The following DCDC2C variants were observed in gnomAD, a reference collection of about 807,000 sequenced individuals.
DCDC2C encodes the protein doublecortin domain-containing protein 2C.
Under a neutral mutation model 45.0 loss-of-function variants are expected in DCDC2C, and 44 were observed. That is an observed-to-expected ratio of 0.98 (90% CI 0.77 to 1.26). The LOEUF (loss-of-function observed/expected upper bound fraction) is 1.26. Ranked by LOEUF, DCDC2C falls within the 50% of genes most tolerant of loss-of-function variation. The pLI is 0.00. For synonymous variants in DCDC2C, 187 were observed against 178.8 expected (o/e 1.05, Z -0.37); for missense variants, 447 against 468.9 (o/e 0.95, Z 0.43).
chr2:3,823,315 C>T lies in DCDC2C; in HGVS notation c.1066-23839C>T, dbSNP rs113386876. 9.1e-3 allele frequency among the ~76,000 whole-genome samples: 1,381 copies of T among 151,978 alleles called. 17 individuals are homozygous for T. Among genetic ancestry groups the T allele is most frequent in the African/African-American group, 0.032 (1,316 of 41,436 alleles). On this transcript the variant is annotated intron_variant, in intron 10 of 10. Transcript: ENST00000399143. ...ATTTCCTTCTATTATTGATTTCTAA[C>T]GTCATTCCGTTGTGTTCAGAGAACA...
intron 2 of DCDC2C, among the ~76,000 whole-genome samples, chr2:3,713,341 G>A (rs376240481): frequency 3.7e-4 from 57 of 152,308 alleles, no homozygotes; most frequent in African/African-American, 1.1e-3. Context: ...CAGGGAAAAC[G>A]CGGGGAGCCA....
chr2:3,843,112 T>C (rs555615143), intron 10 of DCDC2C, among the ~76,000 whole-genome samples: 1 of 152,178 alleles, frequency 6.6e-6, no homozygotes, highest in African/African-American at 2.4e-5. Flanking sequence ...GTGGCTGTGA[T>C]AGCAGGGGGA....
chr2:3,780,561 G>A lies in DCDC2C; in HGVS notation c.1023+1677G>A, dbSNP rs540338242. Among the ~76,000 whole-genome samples the A allele has an allele frequency of 6.6e-5, 10 of 152,222 alleles. No individual in the cohort carries two copies. The South Asian group carries it at 1.9e-3, about 28-fold the overall frequency. ...CCAAGCACCTAGTCCTCAGGTATCCGGGCCAAGGATCTAAAAGGTGATAGG... is the reference window on the plus strand; with the variant it reads ...CCAAGCACCTAGTCCTCAGGTATCCAGGCCAAGGATCTAAAAGGTGATAGG... On this transcript the variant is annotated intron_variant, in intron 9 of 10. Transcript: ENST00000399143.
At chr2:3,719,027 G>T (rs1668422512) in intron 2 of DCDC2C, among the ~76,000 whole-genome samples, 1 of 151,962 alleles carries the variant, frequency 6.6e-6, no homozygotes, top group African/African-American at 2.4e-5. Context: ...AGGAAGTCCA[G>T]CTGGCTTCAC....
At chr2:3,778,706 C>G in intron 8 of DCDC2C, 110 bp from the exon 9 acceptor site, 1 of 977,560 alleles carries the variant, frequency 1.0e-6, no homozygotes, top group Non-Finnish European at 1.5e-6. Flanking sequence ...ACTTCCCCAG[C>G]TCTACCCATA....
chr2:3,799,191 A>G (rs1572627035), intron 10 of DCDC2C, among the ~76,000 whole-genome samples: 2 of 151,988 alleles, frequency 1.3e-5, no homozygotes, highest in Admixed American at 6.5e-5. Flanking sequence ...CATTCTTCAC[A>G]TAGTTCTCGA....
chr2:3,743,037 C>A (rs1254508143), intron 4 of DCDC2C, among the ~76,000 whole-genome samples: 4 of 152,044 alleles, frequency 2.6e-5, no homozygotes, highest in African/African-American at 9.7e-5. Context: ...TATGCACAGG[C>A]TGAAATGGAA....
At chr2:3,780,916 C>G (rs535537032) in intron 9 of DCDC2C, among the ~76,000 whole-genome samples, 24 of 152,308 alleles carry the variant, frequency 1.6e-4, no homozygotes, top group African/African-American at 5.5e-4. Context: ...ATATAACTTT[C>G]CGGAAGAGGT....
At chr2:3,847,116 A>G (rs1484339360) in intron 10 of DCDC2C, 38 bp from the exon 11 acceptor site, 2 of 1,227,222 alleles carry the variant, frequency 1.6e-6, no homozygotes, top group Non-Finnish European at 2.0e-6. Flanking sequence ...CACAGCTTGA[A>G]GATGTTCTCT....
In DCDC2C at chr2:3,741,995, C is replaced by G; in HGVS notation, c.492C>G (p.Asp164Glu). The G allele has an allele frequency of 6.5e-7, 1 of 1,548,802 alleles. No homozygotes were observed. The highest frequency in any genetic ancestry group is 8.7e-7 in the Non-Finnish European group (1 of 1,146,346). Residue 164 changes from aspartate to glutamate, a missense_variant, in exon 4 of 11, where the codon GAC (aspartate) becomes GAG (glutamate). Asp to Glu is a conservative substitution (Grantham distance 45). Coordinates refer to ENST00000399143, the MANE Select transcript of DCDC2C (RefSeq NM_001287444.2). ...IIPKFSLSDWDIVLATIGEKV... is the reference protein window; with the variant it reads ...IIPKFSLSDWEIVLATIGEKV... ...CCAAATTTAGTCTGTCCGATTGGGA[C>G]ATCGTGCTGGCCACGATCGGAGAAA...
chr2:3,789,880 A>C lies in DCDC2C; in HGVS notation c.1065+4780A>C, dbSNP rs1203473635. Among the ~76,000 whole-genome samples, 3 of 152,266 alleles carry C rather than the reference A, an allele frequency of 2.0e-5. No homozygotes were observed. The East Asian group carries it at 5.8e-4, about 29-fold the overall frequency. On this transcript the variant is annotated intron_variant, in intron 10 of 10. Transcript: ENST00000399143. ...GAATCATAATGACAAGAACATAAGA[A>C]AATAGAACATAGTGGGTAACTTCAT...
At chr2:3,763,454 C>T (rs146177063) in intron 6 of DCDC2C, among the ~76,000 whole-genome samples, 17 of 152,316 alleles carry the variant, frequency 1.1e-4, no homozygotes, top group Admixed American at 6.5e-4. Flanking sequence ...TTAATTAGCA[C>T]GGTAACTGAA....
intron 6 of DCDC2C, among the ~76,000 whole-genome samples, chr2:3,759,208 C>T (rs900159809): frequency 6.6e-6 from 1 of 152,134 alleles, no homozygotes; most frequent in African/African-American, 2.4e-5. Flanking sequence ...AAAAGTGTCT[C>T]AGAAGAGTCA....
intron 4 of DCDC2C, among the ~76,000 whole-genome samples, 175 bp downstream of exon 4, chr2:3,742,223 T>C (rs34499883): frequency 0.018 from 2,705 of 152,364 alleles, 77 homozygotes; most frequent in African/African-American, 0.062. Flanking sequence ...TACTTTTAAC[T>C]GGCCTCATTC....
chr2:3,708,080 G>T (rs1261973139), intron 1 of DCDC2C, among the ~76,000 whole-genome samples: 3 of 152,138 alleles, frequency 2.0e-5, no homozygotes, highest in African/African-American at 7.2e-5. Flanking sequence ...TTTCCAGTTT[G>T]CAGTTTTGGC....
intron 6 of DCDC2C, among the ~76,000 whole-genome samples, chr2:3,758,629 G>A (rs564451747): frequency 1.1e-4 from 17 of 152,282 alleles, no homozygotes; most frequent in Non-Finnish European, 1.3e-4. Context: ...AGTGATCTGC[G>A]TGGTATAACA....
chr2:3,764,304 T>C (rs1441780940), intron 6 of DCDC2C, among the ~76,000 whole-genome samples: 1 of 152,244 alleles, frequency 6.6e-6, no homozygotes, highest in African/African-American at 2.4e-5. Flanking sequence ...AGATTACGTT[T>C]TCCCTTTTCC....
chr2:3,714,275 A>T (rs1185327027), intron 2 of DCDC2C, among the ~76,000 whole-genome samples: 1 of 152,202 alleles, frequency 6.6e-6, no homozygotes, highest in Non-Finnish European at 1.5e-5. Flanking sequence ...CACTTCATTA[A>T]ATGGAGGGAC....
rs1398033059 is a variant in DCDC2C at position 3,761,842 on chromosome 2, T to C, written c.727-5912T>C. On this transcript the variant is annotated intron_variant, in intron 6 of 10. Coordinates refer to ENST00000399143, the MANE Select transcript of DCDC2C (RefSeq NM_001287444.2). The surrounding 1 kb of genome is among the most constrained non-coding windows in gnomAD (Gnocchi z 4.3). Reference sequence around the variant, plus strand: ...GAGGCTGCCTTTTGTGTGCCTGAGCTAGACAATCTCTTATAATAGCATTAA... The same window carrying C: ...GAGGCTGCCTTTTGTGTGCCTGAGCCAGACAATCTCTTATAATAGCATTAA... Among the ~76,000 whole-genome samples, 1 of 152,254 alleles carries C rather than the reference T, an allele frequency of 6.6e-6. No homozygotes were observed. Among genetic ancestry groups the C allele is most frequent in the Non-Finnish European group, 1.5e-5 (1 of 68,052 alleles).
Sources: gnomAD v4.1 joint callset for allele counts (sites outside exome capture counted in the v4.1 genomes callset) on GRCh38, gnomAD v4.1.1 for gene constraint, Gnocchi (gnomAD v3.1) non-coding constraint, MANE v1.5 for transcripts, NCBI Gene and HGNC (gene_info 2026-07-23, HGNC 2026-07-21) for gene names.